Variants in SPINK7 observed in about 807,000 individuals in gnomAD.
The protein encoded by SPINK7 is serine peptidase inhibitor Kazal type 7.
A neutral mutation model predicts 11.6 loss-of-function variants in SPINK7; 8 were observed. The ratio of observed to expected loss-of-function variants is 0.69; its 90% CI spans 0.41 to 1.25. The LOEUF is 1.25. Among genes scored for constraint, SPINK7 ranks in the 50% most tolerant of loss-of-function variants. SPINK7 has a pLI of 0.01. For missense variants in SPINK7, 113 were observed against 99.3 expected, an observed-to-expected ratio of 1.14 and a Z score of -0.58; for synonymous variants, 38 against 35.3, an observed-to-expected ratio of 1.08 and a Z score of -0.27.
In SPINK7 at chr5:148,313,928, T is replaced by C. The variant is rs553760616; in HGVS notation, c.88-172T>C. ...GTTAACTGAGTGTAGCAGAAAAAAA[T>C]AGAATACCAGTAGTGCTAGTATTTG... On this transcript the variant is annotated intron_variant, in intron 2 of 3. Transcript: ENST00000274565. 52 of 738,426 alleles carry C rather than the reference T, an allele frequency of 7.0e-5. No individual in the cohort carries two copies. In the Middle Eastern group the frequency reaches 1.5e-3, roughly 21 times the overall value. The allele number at this position is 738,426 out of a possible 1,614,324, so 45.7% of individuals were successfully genotyped here.
chr5:148,314,268 C>A (rs781288613), intron 3 of SPINK7, 44 bp downstream of exon 3: 10 of 1,604,382 alleles, frequency 6.2e-6, no homozygotes, highest in Non-Finnish European at 8.5e-6. Flanking sequence ...AGTCAGTGCT[C>A]TCTACTACAA....
Position 148,312,532 on chromosome 5 carries a change from T to G in SPINK7, c.49T>G (p.Cys17Gly), listed in dbSNP as rs1226218998. The change falls in exon 1 of 4, where the codon TGT becomes GGT. Residue 17 changes from cysteine (C) to glycine (G), a missense_variant. Transcript: ENST00000274565. ...LLLLCTVVYFCSSSEAASLSP... is the reference protein window; with the variant it reads ...LLLLCTVVYFGSSSEAASLSP... ...TCTGCTCTGTACAGTGGTCTATTTC[T>G]GTAGCAGCTCAGGTAAGTTAAGGTC... 1.2e-6 allele frequency: 2 copies of G among 1,607,150 alleles called. No individual in the cohort carries two copies. Among genetic ancestry groups the G allele is most frequent in the Non-Finnish European group, 1.7e-6 (2 of 1,174,904 alleles).
intron 1 of SPINK7, 80 bp downstream of exon 1, chr5:148,312,624 C>CA (rs940243148): frequency 1.9e-5 from 15 of 778,282 alleles, no homozygotes; most frequent in Non-Finnish European, 3.2e-5. Context: ...GTGAGCATCT[C>CA]AGAAACATCT....
rs1480366929 is a variant in SPINK7 at position 148,313,105 on chromosome 5, C to CA, written c.62-264dup. Among the ~76,000 whole-genome samples, 24 of 152,044 alleles carry CA rather than the reference C, an allele frequency of 1.6e-4. No individual in the cohort carries two copies. The East Asian group carries it at 4.7e-3, about 29-fold the overall frequency. On this transcript the variant is annotated intron_variant, in intron 1 of 3. Coordinates refer to ENST00000274565, the MANE Select transcript of SPINK7 (RefSeq NM_032566.3). ...ATTGCTACTTGACTTTGGCCATTAT[C>CA]AAAAACACTATGAGGTTCAGAAAAC...
intron 2 of SPINK7, 21 bp downstream of exon 2, chr5:148,313,420 T>C (rs1284876949): frequency 6.4e-7 from 1 of 1,563,838 alleles, no homozygotes; most frequent in Non-Finnish European, 8.8e-7. Context: ...TGAATAACAT[T>C]TTAATGTCAA....
At position 148,315,718 on chromosome 5, in the gene SPINK7, T is replaced by TTA. The variant is rs1321310261; in HGVS notation, c.*35_*36insAT. Reference sequence around the variant, plus strand: ...TGGACATAGAGAGAAAGGAATGATATTCTCATCATCATCTTCATCATCCCA... The same window carrying TTA: ...TGGACATAGAGAGAAAGGAATGATATTATCTCATCATCATCTTCATCATCCCA... On this transcript the variant is annotated 3_prime_UTR_variant, in exon 4 of 4. Transcript: ENST00000274565. 6.1e-6 allele frequency: 8 copies of TTA among 1,307,216 alleles called. No homozygotes were observed. In the African/African-American group the frequency reaches 1.2e-4, roughly 20 times the overall value. The allele number at this position is 1,307,216 out of a possible 1,614,324, so 81.0% of individuals were successfully genotyped here. A position where few individuals can be genotyped will look rare whatever the true frequency, so the allele number is the denominator to read the frequency against.
rs1389486279 is a variant in SPINK7, at chr5:148,315,780, C to T, written c.*96C>T. The T allele has an allele frequency of 4.3e-5, 34 of 786,896 alleles. No individual in the cohort carries two copies. The highest frequency in any genetic ancestry group is 7.3e-5 in the Non-Finnish European group (33 of 453,740). 48.7% of individuals were successfully genotyped at this position (786,896 alleles called of 1,614,324 possible). ...AGTTTCTTTCAGTTTTACTGATGTT[C>T]TGGGTGGGGGACAGAGCCAGATTCA... On this transcript the variant is annotated 3_prime_UTR_variant, in exon 4 of 4. Transcript: ENST00000274565.
At chr5:148,313,813 G>C (rs1756893553) in intron 2 of SPINK7, 1 of 494,934 alleles carries the variant, frequency 2.0e-6, no homozygotes, top group Non-Finnish European at 3.5e-6. Flanking sequence ...AGAGGTAATA[G>C]TAGAATTTAC....
Position 148,312,425 on chromosome 5 carries a change from G to T in SPINK7, c.-59G>T. ...AAACATGACCCCTTACCTGGGATAT[G>T]GTCGATGCAGCTGTAGTGACAATCT... On this transcript the variant is annotated 5_prime_UTR_variant, in exon 1 of 4. It removes an upstream start codon present in the reference 5' UTR. Transcript: ENST00000274565. 1.8e-6 allele frequency: 2 copies of T among 1,127,144 alleles called. No homozygotes were observed. 69.8% of individuals were successfully genotyped at this position (1,127,144 alleles called of 1,614,324 possible).
rs79381918 is a variant in SPINK7 at position 148,314,813 on chromosome 5, G to C, written c.212+589G>C. Among the ~76,000 whole-genome samples, 855 of 152,130 alleles carry C rather than the reference G, an allele frequency of 5.6e-3. 34 individuals are homozygous for C. In the East Asian group the frequency reaches 0.1, roughly 19 times the overall value. On this transcript the variant is annotated intron_variant, in intron 3 of 3. Transcript: ENST00000274565. ...GGCTCTAAGTATCTGTAGCTTTAAG[G>C]GGGGAATAAGGCTACAAAAATGATT...
intron 2 of SPINK7, 64 bp downstream of exon 2, chr5:148,313,463 G>A: frequency 5.6e-6 from 7 of 1,252,974 alleles, no homozygotes; most frequent in Non-Finnish European, 6.9e-6. Flanking sequence ...CAACATATAT[G>A]TAGGATAAAT....
chr5:148,314,097 C>G lies in SPINK7; in HGVS notation c.88-3C>G, dbSNP rs764196236. ...ACAGGACATTTGCTTGTATATGACA[C>G]AGGTGGACTGCAGCATTTACAAGAA... is the stretch of plus-strand genomic sequence containing the variant. On this transcript the variant is annotated splice_region_variant and splice_polypyrimidine_tract_variant and intron_variant, in intron 2 of 3. Coordinates refer to ENST00000274565, the MANE Select transcript of SPINK7 (RefSeq NM_032566.3). 6.2e-7 allele frequency: 1 copy of G among 1,613,744 alleles called. No individual in the cohort carries two copies. The highest frequency in any genetic ancestry group is 1.3e-5 in the African/African-American group (1 of 75,004).
chr5:148,313,301 T>C (rs1207927785), intron 1 of SPINK7, 73 bp from the exon 2 acceptor site: 1 of 1,192,138 alleles, frequency 8.4e-7, no homozygotes, highest in Non-Finnish European at 1.2e-6. Context: ...TTATATAGGA[T>C]GAAACTTATA....
At position 148,314,089 on chromosome 5, in the gene SPINK7, A is replaced by AT; in HGVS notation, c.88-10dup. The AT allele has an allele frequency of 6.2e-7, 1 of 1,613,764 alleles. No individual in the cohort carries two copies. Among genetic ancestry groups the AT allele is most frequent in the Non-Finnish European group, 8.5e-7 (1 of 1,179,776 alleles). On this transcript the variant is annotated splice_polypyrimidine_tract_variant and intron_variant, in intron 2 of 3. Coordinates refer to ENST00000274565, the MANE Select transcript of SPINK7 (RefSeq NM_032566.3). ...GGAGAAAAACAGGACATTTGCTTGT[A>AT]TATGACACAGGTGGACTGCAGCATT...
In SPINK7 at chr5:148,315,857, T is replaced by C; in HGVS notation, c.*173T>C. 2.3e-6 allele frequency: 1 copy of C among 441,452 alleles called. No individual in the cohort carries two copies. The highest frequency in any genetic ancestry group is 4.1e-6 in the Non-Finnish European group (1 of 244,076). The allele number at this position is 441,452 out of a possible 1,614,324, so 27.3% of individuals were successfully genotyped here. A position where few individuals can be genotyped will look rare whatever the true frequency, so the allele number is the denominator to read the frequency against. ...TTTCTGTGCTACCCCTACAAACCCA[T>C]GCCTCACTGACAGACCAGCATTTTT... On this transcript the variant is annotated 3_prime_UTR_variant, in exon 4 of 4. Coordinates refer to ENST00000274565, the MANE Select transcript of SPINK7 (RefSeq NM_032566.3).
In SPINK7 at chr5:148,315,892, C is replaced by T. The variant is rs1417753254; in HGVS notation, c.*208C>T. 6 of 391,574 alleles carry T rather than the reference C, an allele frequency of 1.5e-5. No individual in the cohort carries two copies. The highest frequency in any genetic ancestry group is 1.2e-4 in the South Asian group (1 of 8,132). The allele number at this position is 391,574 out of a possible 1,614,324, so 24.3% of individuals were successfully genotyped here. On this transcript the variant is annotated 3_prime_UTR_variant, in exon 4 of 4. Coordinates refer to ENST00000274565, the MANE Select transcript of SPINK7 (RefSeq NM_032566.3). ...ACAGACCAGCATTTTTTTTTTAACA[C>T]GTCAATAAAAAAATAATCTCCCAGA...
At chr5:148,314,505 C>T (rs990444774) in intron 3 of SPINK7, 76 of 475,378 alleles carry the variant, frequency 1.6e-4, no homozygotes, top group Non-Finnish European at 4.9e-5. Flanking sequence ...AACTGCTGTC[C>T]CCAGAGCACA....
At position 148,315,678 on chromosome 5, in the gene SPINK7, T is replaced by C. The variant is rs1260551276; in HGVS notation, c.252T>C (p.Ser84=). 2 of 1,589,944 alleles carry C rather than the reference T, an allele frequency of 1.3e-6. No homozygotes were observed. Among genetic ancestry groups the C allele is most frequent in the Non-Finnish European group, 1.7e-6 (2 of 1,158,372 alleles). Reference sequence around the variant, plus strand: ...GAGTTCAGTTTCTTCACGATGGAAGTTGCTAAATTCTCCATGGACATAGAG... The same window carrying C: ...GAGTTCAGTTTCTTCACGATGGAAGCTGCTAAATTCTCCATGGACATAGAG... ...NGRVQFLHDG[S]C is the part of the protein sequence containing the mutation. The change falls in exon 4 of 4, where the codon AGT becomes AGC. Residue 84 remains serine (S), a synonymous_variant. Transcript: ENST00000274565.
intron 2 of SPINK7, chr5:148,313,894 C>A: frequency 3.4e-6 from 2 of 595,834 alleles, no homozygotes; most frequent in Non-Finnish European, 5.8e-6. Context: ...CCAGAAATGC[C>A]CAGCAATTGT....
Sources: gnomAD v4.1 joint callset for allele counts (sites outside exome capture counted in the v4.1 genomes callset) on GRCh38, gnomAD v4.1.1 for gene constraint, MANE v1.5 for transcripts, NCBI Gene and HGNC (gene_info 2026-07-23, HGNC 2026-07-21) for gene names.